NOL4: variants seen among roughly 807,000 people sequenced by gnomAD.
The protein encoded by NOL4 is cancer/testis antigen 125.
Under a neutral mutation model 75.9 loss-of-function variants are expected in NOL4, and 17 were observed. That is an observed-to-expected ratio of 0.22 (90% CI 0.15 to 0.34). NOL4 has a LOEUF of 0.34. Among genes scored for constraint, NOL4 ranks in the 10% least tolerant of loss-of-function variants. The pLI, the probability that NOL4 is intolerant of heterozygous loss-of-function variation, is 1.00. For synonymous variants in NOL4, 292 were observed against 289.9 expected (o/e 1.01, Z -0.07); for missense variants, 614 against 793.5 (o/e 0.77, Z 2.72).
At chr18:33,895,716 G>C (rs1035250685) in intron 9 of NOL4, among the ~76,000 whole-genome samples, 1 of 151,974 alleles carries the variant, frequency 6.6e-6, no homozygotes, top group African/African-American at 2.4e-5. Context: ...ATGGGAAAAC[G>C]CTGGAAGCAT....
At chr18:34,031,724 A>T (rs548318642) in intron 5 of NOL4, among the ~76,000 whole-genome samples, 1 of 152,348 alleles carries the variant, frequency 6.6e-6, no homozygotes, top group Admixed American at 6.5e-5. Context: ...TGCTCACCTG[A>T]AATCAACTGG....
intron 1 of NOL4, among the ~76,000 whole-genome samples, chr18:34,196,255 C>G (rs987836478): frequency 6.6e-6 from 1 of 152,012 alleles, no homozygotes; most frequent in African/African-American, 2.4e-5. Context: ...CATATACTTA[C>G]CCTCATAGAA....
intron 8 of NOL4, among the ~76,000 whole-genome samples, chr18:33,943,791 C>A (rs548607123): frequency 6.6e-6 from 1 of 151,668 alleles, no homozygotes; most frequent in Non-Finnish European, 1.5e-5. Context: ...GTGTACATGC[C>A]TGTTTTGTTT....
chr18:33,991,633 C>T (rs1393408560), intron 6 of NOL4, among the ~76,000 whole-genome samples: 1 of 151,940 alleles, frequency 6.6e-6, no homozygotes, highest in Admixed American at 6.6e-5. Flanking sequence ...TCAGAATTAC[C>T]ATTAGCTAAT....
intron 2 of NOL4, among the ~76,000 whole-genome samples, chr18:34,124,145 T>C (rs2080278405): frequency 6.6e-6 from 1 of 152,194 alleles, no homozygotes; most frequent in African/African-American, 2.4e-5. Flanking sequence ...GTCTGTTGTG[T>C]TATTTTGCCT....
chr18:34,092,591 G>A (rs1344679694), intron 5 of NOL4, among the ~76,000 whole-genome samples: 1 of 152,042 alleles, frequency 6.6e-6, no homozygotes, highest in South Asian at 2.1e-4. Context: ...AGAAAGCAAA[G>A]ATTTTTTCAG....
intron 1 of NOL4, among the ~76,000 whole-genome samples, chr18:34,133,826 C>T (rs957778130): frequency 2.6e-5 from 4 of 152,054 alleles, no homozygotes; most frequent in East Asian, 1.9e-4. Flanking sequence ...GTTCAAGACC[C>T]GCCTGGCCAA....
At chr18:34,142,902 A>C (rs961979433) in intron 1 of NOL4, among the ~76,000 whole-genome samples, 8 of 152,202 alleles carry the variant, frequency 5.3e-5, no homozygotes, top group Non-Finnish European at 7.3e-5. Context: ...CACAGATTCA[A>C]CTAACTGATA....
intron 6 of NOL4, among the ~76,000 whole-genome samples, chr18:33,982,584 G>GTACA (rs1568166649): frequency 2.0e-5 from 3 of 151,920 alleles, no homozygotes; most frequent in African/African-American, 7.3e-5. Flanking sequence ...AGTACCACAG[G>GTACA]GAGAAATAGA....
At chr18:33,992,280 T>C (rs1205481010) in intron 6 of NOL4, among the ~76,000 whole-genome samples, 1 of 152,028 alleles carries the variant, frequency 6.6e-6, no homozygotes, top group Non-Finnish European at 1.5e-5. Context: ...TCCCTAAAAA[T>C]GTATTGAACA....
chr18:33,956,913 G>A (rs2069690809), intron 8 of NOL4, among the ~76,000 whole-genome samples: 1 of 152,020 alleles, frequency 6.6e-6, no homozygotes, highest in South Asian at 2.1e-4. Flanking sequence ...GTTTCCTTTT[G>A]ATTTAGAGAA....
At chr18:34,068,571 C>T (rs925997963) in intron 5 of NOL4, among the ~76,000 whole-genome samples, 115 of 151,756 alleles carry the variant, frequency 7.6e-4, no homozygotes, top group African/African-American at 1.9e-3. Context: ...AGCTAATTTT[C>T]GTATGTTTAG....
At chr18:34,173,233 C>T (rs2033215196) in intron 1 of NOL4, among the ~76,000 whole-genome samples, 1 of 151,966 alleles carries the variant, frequency 6.6e-6, no homozygotes, top group Non-Finnish European at 1.5e-5. Context: ...CAGTCATTTC[C>T]AGAGGCTGGA....
At position 34,203,713 on chromosome 18, in the gene NOL4, T is replaced by TCACA. The variant is rs1408909635; in HGVS notation, c.264+19276_264+19277insTGTG. 7.3e-3 allele frequency among the ~76,000 whole-genome samples: 458 copies of TCACA among 62,636 alleles called. 2 individuals are homozygous for TCACA. Among genetic ancestry groups the TCACA allele is most frequent in the African/African-American group, 0.019 (426 of 22,862 alleles). 41.1% of individuals were successfully genotyped at this position (62,636 alleles called of 152,430 possible). On this transcript the variant is annotated intron_variant, in intron 1 of 10. Coordinates refer to ENST00000261592, the MANE Select transcript of NOL4 (RefSeq NM_003787.5). The stretch of plus-strand genomic sequence containing the variant: ...CTCTCTCTCTCTCTCTCTCTCTCTC[T>TCACA]CTCTCACACACACACACACACACAC...
At chr18:33,976,974 T>A (rs941914474) in intron 6 of NOL4, among the ~76,000 whole-genome samples, 1 of 152,164 alleles carries the variant, frequency 6.6e-6, no homozygotes, top group Non-Finnish European at 1.5e-5. Context: ...GCACTACTCT[T>A]AGGTTGCATA....
chr18:33,964,747 C>T (rs1461569446), intron 6 of NOL4, among the ~76,000 whole-genome samples: 1 of 152,114 alleles, frequency 6.6e-6, no homozygotes, highest in Non-Finnish European at 1.5e-5. Context: ...CACAGTCAAG[C>T]TTGAGAACCA....
At chr18:34,009,518 C>T (rs1010741277) in intron 6 of NOL4, among the ~76,000 whole-genome samples, 1 of 151,928 alleles carries the variant, frequency 6.6e-6, no homozygotes, top group African/African-American at 2.4e-5. Flanking sequence ...GCAGCAACTT[C>T]ATTTATTGTA....
chr18:34,082,237 T>C (rs550542002), intron 5 of NOL4, among the ~76,000 whole-genome samples: 1 of 152,278 alleles, frequency 6.6e-6, no homozygotes, highest in Non-Finnish European at 1.5e-5. Flanking sequence ...TGTGGCAACT[T>C]AGAAACTCAT....
intron 6 of NOL4, among the ~76,000 whole-genome samples, chr18:34,016,836 T>TA (rs1289104800): frequency 6.6e-6 from 1 of 152,148 alleles, no homozygotes; most frequent in African/African-American, 2.4e-5. Context: ...CTCATTTACA[T>TA]ATTTTTGCTT....
Sources: allele counts gnomAD v4.1 joint callset (sites outside exome capture counted in the v4.1 genomes callset), GRCh38; gene constraint gnomAD v4.1.1; transcripts MANE v1.5; gene names NCBI Gene and HGNC (gene_info 2026-07-23, HGNC 2026-07-21).